CLSTN2: variants seen among roughly 807,000 people sequenced by gnomAD.
The protein encoded by CLSTN2 is calsyntenin-2.
Under a neutral mutation model 101.2 loss-of-function variants are expected in CLSTN2, and 48 were observed. The observed-to-expected ratio is 0.47, with a 90% CI of 0.38 to 0.60. The LOEUF (loss-of-function observed/expected upper bound fraction) is 0.60. Among genes scored for constraint, CLSTN2 ranks in the 20% least tolerant of loss-of-function variants. The pLI is 0.00. For missense variants in CLSTN2, 1,160 were observed against 1,238.2 expected, an observed-to-expected ratio of 0.94 and a Z score of 0.95; for synonymous variants, 481 against 463.6, an observed-to-expected ratio of 1.04 and a Z score of -0.48.
chr3:140,398,131 T>C (rs1255009712), intron 2 of CLSTN2, among the ~76,000 whole-genome samples: 1 of 152,108 alleles, frequency 6.6e-6, no homozygotes, highest in African/African-American at 2.4e-5. Context: ...AATCATTCTT[T>C]CAAGTAAAAA....
At chr3:140,294,816 G>A (rs918576377) in intron 2 of CLSTN2, among the ~76,000 whole-genome samples, 8 of 152,292 alleles carry the variant, frequency 5.3e-5, no homozygotes, top group Non-Finnish European at 1.2e-4. Flanking sequence ...AGGTCAGAGT[G>A]CCAGCATGGT....
At chr3:140,495,514 GT>G (rs571683115) in intron 8 of CLSTN2, among the ~76,000 whole-genome samples, 38 of 152,198 alleles carry the variant, frequency 2.5e-4, no homozygotes, top group African/African-American at 9.1e-4. Flanking sequence ...TGTTTTTGGT[GT>G]TTTTGTCATG....
At chr3:140,531,509 G>A (rs967899377) in intron 8 of CLSTN2, among the ~76,000 whole-genome samples, 14 of 152,116 alleles carry the variant, frequency 9.2e-5, no homozygotes, top group East Asian at 1.9e-4. Context: ...TGGCAGAGTC[G>A]ATGGAGACAA....
At chr3:140,214,328 C>T (rs1358907243) in intron 2 of CLSTN2, among the ~76,000 whole-genome samples, 1 of 151,970 alleles carries the variant, frequency 6.6e-6, no homozygotes, top group Non-Finnish European at 1.5e-5. Flanking sequence ...GTGCTGCGTG[C>T]CTGTAGTCCC....
intron 7 of CLSTN2, among the ~76,000 whole-genome samples, chr3:140,464,872 A>G (rs1337472761): frequency 6.6e-6 from 1 of 152,194 alleles, no homozygotes; most frequent in Admixed American, 6.5e-5. Flanking sequence ...GCCCTGCCAC[A>G]GTAAGACCCT....
intron 8 of CLSTN2, among the ~76,000 whole-genome samples, chr3:140,492,901 G>A (rs1934380558): frequency 6.6e-6 from 1 of 152,098 alleles, no homozygotes; most frequent in Admixed American, 6.6e-5. Context: ...AGGAGACAGG[G>A]GACTCCCACC....
chr3:140,121,768 T>C (rs1186797744), intron 1 of CLSTN2, among the ~76,000 whole-genome samples: 2 of 152,088 alleles, frequency 1.3e-5, no homozygotes, highest in Non-Finnish European at 1.5e-5. Context: ...GTGGGCTTGG[T>C]GAGAGGGAGC....
intron 6 of CLSTN2, chr3:140,449,427 A>T (rs1933185618): frequency 6.6e-6 from 1 of 152,248 alleles, no homozygotes; most frequent in African/African-American, 2.4e-5. Context: ...GAGATGGCTC[A>T]CAATCAACTT....
intron 2 of CLSTN2, among the ~76,000 whole-genome samples, chr3:140,363,684 A>T (rs2087754649): frequency 6.6e-6 from 1 of 152,136 alleles, no homozygotes; most frequent in Non-Finnish European, 1.5e-5. Context: ...CTTCCCAAAG[A>T]GGTAGGATGG....
At chr3:140,479,385 CAACAAT>C (rs1179850767) in intron 8 of CLSTN2, among the ~76,000 whole-genome samples, 2 of 152,148 alleles carry the variant, frequency 1.3e-5, no homozygotes, top group African/African-American at 2.4e-5. Flanking sequence ...TAACAAAAAT[CAACAAT>C]AACAGAATCC....
At chr3:140,548,644 G>A (rs1254137483) in intron 10 of CLSTN2, among the ~76,000 whole-genome samples, 1 of 152,182 alleles carries the variant, frequency 6.6e-6, no homozygotes, top group Non-Finnish European at 1.5e-5. Flanking sequence ...ATGAGAGAGG[G>A]CTGAGGAATA....
chr3:140,359,978 T>C (rs1055949274), intron 2 of CLSTN2, among the ~76,000 whole-genome samples: 3 of 142,072 alleles, frequency 2.1e-5, no homozygotes, highest in East Asian at 2.0e-4. Flanking sequence ...TATACACACA[T>C]ACATACATAT....
At chr3:140,380,332 G>A (rs542769160) in intron 2 of CLSTN2, among the ~76,000 whole-genome samples, 1 of 152,190 alleles carries the variant, frequency 6.6e-6, no homozygotes, top group East Asian at 1.9e-4. Flanking sequence ...TGTTCCCTGA[G>A]CAAAACAAAT....
chr3:140,196,253 G>T (rs553055334), intron 2 of CLSTN2, among the ~76,000 whole-genome samples: 1 of 152,192 alleles, frequency 6.6e-6, no homozygotes, highest in South Asian at 2.1e-4. Context: ...CAGAGATGGC[G>T]GAGCTTTCCC....
chr3:140,438,890 T>C (rs2088715155), intron 5 of CLSTN2, among the ~76,000 whole-genome samples: 2 of 152,152 alleles, frequency 1.3e-5, no homozygotes, highest in South Asian at 2.1e-4. Flanking sequence ...CTGAGGGTCT[T>C]TAGGGTTGAA....
At chr3:140,488,113 A>G (rs1934275101) in intron 8 of CLSTN2, among the ~76,000 whole-genome samples, 1 of 152,212 alleles carries the variant, frequency 6.6e-6, no homozygotes, top group Admixed American at 6.5e-5. Context: ...AGGAACCCAG[A>G]GAAGAAGAAA....
Position 140,498,838 on chromosome 3 carries a change from C to T in CLSTN2, c.1344+32107C>T, listed in dbSNP as rs560810034. On this transcript the variant is annotated intron_variant, in intron 8 of 16. Coordinates refer to ENST00000458420, the MANE Select transcript of CLSTN2 (RefSeq NM_022131.3). ...AGGCCAAGTGTAAAGATTTTGTCTCCTGAAGGATTTCCTCTCAGCCTTGGT... is the reference window on the plus strand; with the variant it reads ...AGGCCAAGTGTAAAGATTTTGTCTCTTGAAGGATTTCCTCTCAGCCTTGGT... Among the ~76,000 whole-genome samples the T allele has an allele frequency of 5.9e-5, 9 of 152,254 alleles. No homozygotes were observed. In the South Asian group the frequency reaches 6.2e-4, roughly 11 times the overall value.
chr3:140,402,425 G>A (rs1487181300), intron 2 of CLSTN2, among the ~76,000 whole-genome samples: 1 of 152,186 alleles, frequency 6.6e-6, no homozygotes, highest in Non-Finnish European at 1.5e-5. Flanking sequence ...GGAATAAATT[G>A]ATATAAAATA....
intron 1 of CLSTN2, among the ~76,000 whole-genome samples, chr3:140,121,045 A>G (rs1388010338): frequency 6.6e-6 from 1 of 152,230 alleles, no homozygotes; most frequent in Non-Finnish European, 1.5e-5. Context: ...TAGTTTGAGA[A>G]TAATTTAATA....
Sources: gnomAD v4.1 joint callset for allele counts (sites outside exome capture counted in the v4.1 genomes callset) on GRCh38, gnomAD v4.1.1 for gene constraint, MANE v1.5 for transcripts, NCBI Gene and HGNC (gene_info 2026-07-23, HGNC 2026-07-21) for gene names.